The following CNTN4 variants were observed in gnomAD, a reference collection of about 807,000 sequenced individuals.
The protein encoded by CNTN4 is contactin 4, also known as contactin-4.
In CNTN4, 77 loss-of-function variants were observed where a neutral mutation model predicts 122.5. That is an observed-to-expected ratio of 0.63 (90% CI 0.52 to 0.76). The LOEUF (loss-of-function observed/expected upper bound fraction) is 0.76. Ranked by LOEUF, CNTN4 falls within the 30% of genes least tolerant of loss-of-function variation. The pLI is 0.00. For synonymous variants in CNTN4, 512 were observed against 447.0 expected (o/e 1.15, Z -1.83); for missense variants, 1,256 against 1,259.1 (o/e 1.00, Z 0.04).
intron 4 of CNTN4, among the ~76,000 whole-genome samples, chr3:2,710,094 G>A (rs2087036717): frequency 1.3e-5 from 2 of 152,166 alleles, no homozygotes; most frequent in Non-Finnish European, 1.5e-5. Context: ...TCGAACCACA[G>A]TTAGTAAATA....
intron 4 of CNTN4, among the ~76,000 whole-genome samples, chr3:2,598,355 A>G (rs1478380152): frequency 6.6e-6 from 1 of 152,154 alleles, no homozygotes; most frequent in Non-Finnish European, 1.5e-5. Flanking sequence ...TTATATGAGA[A>G]GTTTCTGGTG....
intron 3 of CNTN4, among the ~76,000 whole-genome samples, chr3:2,504,424 C>T (rs2076679280): frequency 6.6e-6 from 1 of 152,136 alleles, no homozygotes; most frequent in Non-Finnish European, 1.5e-5. Context: ...TCAATGGCAT[C>T]TGTTGCCACC....
intron 4 of CNTN4, among the ~76,000 whole-genome samples, chr3:2,618,155 A>T (rs927374569): frequency 2.0e-5 from 3 of 152,202 alleles, no homozygotes; most frequent in Non-Finnish European, 1.5e-5. Flanking sequence ...GATAATGCTT[A>T]GAACCATCCT....
At chr3:2,243,726 A>G (rs963772245) in intron 2 of CNTN4, among the ~76,000 whole-genome samples, 2 of 152,080 alleles carry the variant, frequency 1.3e-5, no homozygotes, top group Non-Finnish European at 2.9e-5. Context: ...TAAGGGCAAA[A>G]TGAAAATTCT....
chr3:2,424,308 A>T (rs963744451), intron 3 of CNTN4, among the ~76,000 whole-genome samples: 1 of 146,600 alleles, frequency 6.8e-6, no homozygotes, highest in Non-Finnish European at 1.5e-5. Context: ...GAGTGAGAAC[A>T]TGTGATGTTT....
chr3:2,194,373 A>G (rs570769394), intron 2 of CNTN4, among the ~76,000 whole-genome samples: 81 of 152,200 alleles, frequency 5.3e-4, no homozygotes, highest in African/African-American at 1.8e-3. Flanking sequence ...AGGCCCAAAG[A>G]TCACTTGAGC....
intron 13 of CNTN4, among the ~76,000 whole-genome samples, chr3:2,974,371 C>A (rs972501699): frequency 6.6e-6 from 1 of 152,128 alleles, no homozygotes; most frequent in Non-Finnish European, 1.5e-5. Context: ...CAGAAATGAT[C>A]TTTGCAGCTA....
chr3:2,643,948 G>A (rs548379659), intron 4 of CNTN4, among the ~76,000 whole-genome samples: 1 of 152,144 alleles, frequency 6.6e-6, no homozygotes, highest in African/African-American at 2.4e-5. Context: ...TTTTCTCCTT[G>A]TATCTGATCA....
intron 4 of CNTN4, among the ~76,000 whole-genome samples, chr3:2,596,604 C>G (rs1408526949): frequency 6.6e-6 from 1 of 151,640 alleles, no homozygotes; most frequent in South Asian, 2.1e-4. Context: ...TTCATTTAAT[C>G]TGCACACCAT....
intron 2 of CNTN4, among the ~76,000 whole-genome samples, chr3:2,316,622 C>T (rs2043109167): frequency 6.6e-6 from 1 of 152,142 alleles, no homozygotes; most frequent in Non-Finnish European, 1.5e-5. Context: ...TTGCTTATCA[C>T]ATTGGTATGA....
intron 4 of CNTN4, among the ~76,000 whole-genome samples, chr3:2,666,176 A>G (rs889285349): frequency 1.3e-5 from 2 of 152,226 alleles, no homozygotes; most frequent in Non-Finnish European, 2.9e-5. Flanking sequence ...ACAATGAATC[A>G]TCTTGTTATC....
At chr3:2,845,069 T>G (rs1191732106) in intron 7 of CNTN4, among the ~76,000 whole-genome samples, 8 of 152,168 alleles carry the variant, frequency 5.3e-5, no homozygotes, top group Admixed American at 5.2e-4. Context: ...AAATAAAAAT[T>G]CAAAAGGCAA....
intron 2 of CNTN4, among the ~76,000 whole-genome samples, chr3:2,155,501 G>A (rs2035680778): frequency 6.6e-6 from 1 of 152,164 alleles, no homozygotes; most frequent in African/African-American, 2.4e-5. Flanking sequence ...TTTTTCTTTT[G>A]CGAACACAGC....
intron 3 of CNTN4, among the ~76,000 whole-genome samples, chr3:2,492,807 G>A (rs148417919): frequency 8.4e-4 from 128 of 152,222 alleles, no homozygotes; most frequent in Middle Eastern, 3.4e-3. Flanking sequence ...AGGAAGAACC[G>A]CATGCCAGTA....
intron 4 of CNTN4, among the ~76,000 whole-genome samples, chr3:2,691,147 C>T (rs1250437454): frequency 3.9e-5 from 6 of 152,110 alleles, no homozygotes; most frequent in South Asian, 2.1e-4. Context: ...GCAGTTACCC[C>T]GGCATATCTC....
intron 2 of CNTN4, among the ~76,000 whole-genome samples, chr3:2,193,156 G>A (rs937910852): frequency 2.6e-5 from 4 of 152,190 alleles, no homozygotes; most frequent in African/African-American, 9.6e-5. Context: ...CATCCCCTGA[G>A]AAAACTTAGA....
chr3:2,394,086 C>T (rs2150909392), intron 3 of CNTN4, among the ~76,000 whole-genome samples: 1 of 152,006 alleles, frequency 6.6e-6, no homozygotes, highest in African/African-American at 2.4e-5. Context: ...CTATTTTAAT[C>T]CAAAGCTCAT....
intron 2 of CNTN4, among the ~76,000 whole-genome samples, chr3:2,229,436 C>G (rs1047218846): frequency 1.3e-5 from 2 of 152,072 alleles, no homozygotes; most frequent in Non-Finnish European, 2.9e-5. Context: ...CATTTCAGTT[C>G]ATAAAAGTCA....
chr3:2,173,310 G>C (rs573934610), intron 2 of CNTN4, among the ~76,000 whole-genome samples: 3 of 152,282 alleles, frequency 2.0e-5, no homozygotes, highest in East Asian at 3.9e-4. Flanking sequence ...CTAGCCGGTT[G>C]ATGGACTTCA....
Sources: allele counts gnomAD v4.1 joint callset (sites outside exome capture counted in the v4.1 genomes callset), GRCh38; gene constraint gnomAD v4.1.1; transcripts MANE v1.5; gene names NCBI Gene and HGNC (gene_info 2026-07-23, HGNC 2026-07-21).